Variants in PNLIPRP3 observed in about 807,000 individuals in gnomAD.
The protein encoded by PNLIPRP3 is pancreatic lipase related protein 3.
Under a neutral mutation model 52.8 loss-of-function variants are expected in PNLIPRP3, and 58 were observed. The ratio of observed to expected loss-of-function variants is 1.10; its 90% CI spans 0.89 to 1.37. The LOEUF is 1.37. PNLIPRP3 is among the 40% of genes most tolerant of loss of function. PNLIPRP3 has a pLI of 0.00. For synonymous variants in PNLIPRP3, 192 were observed against 185.0 expected (o/e 1.04, Z -0.31); for missense variants, 593 against 561.6 (o/e 1.06, Z -0.57).
At chr10:116,474,751 T>G (rs1488541402) in intron 10 of PNLIPRP3, among the ~76,000 whole-genome samples, 1 of 152,082 alleles carries the variant, frequency 6.6e-6, no homozygotes, top group African/African-American at 2.4e-5. Flanking sequence ...TACAATAAGA[T>G]ACCATCTCAC....
chr10:116,431,263 C>T (rs1845705974), intron 1 of PNLIPRP3, among the ~76,000 whole-genome samples: 2 of 152,140 alleles, frequency 1.3e-5, no homozygotes, highest in Non-Finnish European at 2.9e-5. Context: ...GAAGCTAACC[C>T]AAGTCAGTCC....
At position 116,476,770 on chromosome 10, in the gene PNLIPRP3, A is replaced by T; in HGVS notation, c.1291A>T (p.Lys431Ter). Residue 431 changes from lysine to a stop codon, truncating the protein, a stop_gained, in exon 11 of 12, where the codon AAG (lysine) becomes TAG (stop). Coordinates refer to ENST00000369230, the MANE Select transcript of PNLIPRP3 (RefSeq NM_001011709.3). LOFTEE classifies it low-confidence loss of function (END_TRUNC). ...ACATTTGTTTGAAGATTCTCAGAAT[A>T]AGTTGGGAGCAGAAATGGTGATAAA... ...KKHLFEDSQN[K>*]LGAEMVINTS... is the part of the protein sequence containing the mutation. The T allele has an allele frequency of 6.2e-7, 1 of 1,610,854 alleles. No individual in the cohort carries two copies. The highest frequency in any genetic ancestry group is 8.5e-7 in the Non-Finnish European group (1 of 1,178,462).
chr10:116,460,688 A>G (rs567804844), intron 5 of PNLIPRP3, among the ~76,000 whole-genome samples: 15 of 152,304 alleles, frequency 9.8e-5, no homozygotes, highest in Admixed American at 2.0e-4. Flanking sequence ...CTTATTGTAT[A>G]TATGGTATTC....
intron 7 of PNLIPRP3, among the ~76,000 whole-genome samples, chr10:116,464,505 C>A (rs1042319784): frequency 1.4e-4 from 21 of 152,188 alleles, no homozygotes; most frequent in African/African-American, 5.1e-4. Context: ...CTCACACCTG[C>A]CAAGGGTGAG....
intron 4 of PNLIPRP3, among the ~76,000 whole-genome samples, chr10:116,454,668 A>C (rs1031223136): frequency 4.6e-5 from 7 of 152,198 alleles, no homozygotes; most frequent in Non-Finnish European, 1.0e-4. Flanking sequence ...GAGGTCATGC[A>C]GTGTTTGTCT....
At chr10:116,444,751 G>A (rs1845919346) in intron 4 of PNLIPRP3, among the ~76,000 whole-genome samples, 1 of 152,118 alleles carries the variant, frequency 6.6e-6, no homozygotes, top group Non-Finnish European at 1.5e-5. Context: ...ACTAAAAACT[G>A]CCCCCGCAAG....
At chr10:116,443,640 T>TA (rs376699528) in intron 3 of PNLIPRP3, among the ~76,000 whole-genome samples, 1 of 2,250 alleles carries the variant, frequency 4.4e-4, no homozygotes, top group African/African-American at 5.5e-4. Flanking sequence ...CACATATATA[T>TA]AACACATATG....
intron 2 of PNLIPRP3, among the ~76,000 whole-genome samples, chr10:116,437,242 A>T (rs1333666391): frequency 6.6e-6 from 1 of 152,214 alleles, no homozygotes; most frequent in East Asian, 1.9e-4. Context: ...ACATGTACAA[A>T]CAAATACCTT....
intron 2 of PNLIPRP3, among the ~76,000 whole-genome samples, chr10:116,440,382 C>T (rs7921529): frequency 0.022 from 3,329 of 152,234 alleles, 129 homozygotes; most frequent in African/African-American, 0.077. Flanking sequence ...GTTCTTCACA[C>T]CTTCCCCACT....
chr10:116,437,959 G>C (rs1037014894), intron 2 of PNLIPRP3, among the ~76,000 whole-genome samples: 1 of 152,214 alleles, frequency 6.6e-6, no homozygotes, highest in South Asian at 2.1e-4. Context: ...GATCACACAC[G>C]GGAAACAGCC....
chr10:116,452,258 CA>C (rs1189933888), intron 4 of PNLIPRP3, among the ~76,000 whole-genome samples: 1 of 152,196 alleles, frequency 6.6e-6, no homozygotes, highest in African/African-American at 2.4e-5. Context: ...CTGCTTCTAA[CA>C]ATCTACAATC....
intron 4 of PNLIPRP3, among the ~76,000 whole-genome samples, chr10:116,446,981 G>C (rs1845962645): frequency 6.6e-6 from 1 of 152,070 alleles, no homozygotes; most frequent in Non-Finnish European, 1.5e-5. Context: ...ATAGAACCCA[G>C]AATATTTTAG....
At chr10:116,443,801 G>GTATGTA (rs1845898955) in intron 3 of PNLIPRP3, among the ~76,000 whole-genome samples, 6 of 11,158 alleles carry the variant, frequency 5.4e-4, no homozygotes, top group African/African-American at 1.2e-3. Flanking sequence ...ATGTGTGTGT[G>GTATGTA]CATATATATA....
At chr10:116,443,863 A>G (rs1845902255) in intron 3 of PNLIPRP3, among the ~76,000 whole-genome samples, 2 of 144,736 alleles carry the variant, frequency 1.4e-5, no homozygotes, top group South Asian at 4.4e-4. Context: ...ACATACGTAT[A>G]TATATGGGTT....
chr10:116,443,898 G>A (rs893240659), intron 3 of PNLIPRP3, among the ~76,000 whole-genome samples: 3 of 145,574 alleles, frequency 2.1e-5, no homozygotes, highest in African/African-American at 7.7e-5. Flanking sequence ...CCTGTGGTAG[G>A]TTCTCTATTA....
chr10:116,445,073 G>A (rs1361156029), intron 4 of PNLIPRP3, among the ~76,000 whole-genome samples: 1 of 152,188 alleles, frequency 6.6e-6, no homozygotes, highest in African/African-American at 2.4e-5. Flanking sequence ...AAAATGCAGT[G>A]TAGTAAAATC....
At chr10:116,439,317 T>C (rs1845823962) in intron 2 of PNLIPRP3, among the ~76,000 whole-genome samples, 1 of 152,168 alleles carries the variant, frequency 6.6e-6, no homozygotes. Context: ...CTAGAGCACT[T>C]TGAGAGACTA....
chr10:116,430,519 C>A (rs1845696272), intron 1 of PNLIPRP3, among the ~76,000 whole-genome samples: 1 of 152,070 alleles, frequency 6.6e-6, no homozygotes, highest in African/African-American at 2.4e-5. Context: ...TGGGTTTAAC[C>A]AGAGTTGTGG....
At chr10:116,436,338 C>T (rs1002087537) in intron 1 of PNLIPRP3, among the ~76,000 whole-genome samples, 11 of 152,028 alleles carry the variant, frequency 7.2e-5, no homozygotes, top group Admixed American at 2.6e-4. Flanking sequence ...ATGCCATATA[C>T]AAAATTAACT....
Sources: allele counts gnomAD v4.1 joint callset (sites outside exome capture counted in the v4.1 genomes callset), GRCh38; gene constraint gnomAD v4.1.1; transcripts MANE v1.5; gene names NCBI Gene and HGNC (gene_info 2026-07-23, HGNC 2026-07-21).